The following GALK2 variants were observed in gnomAD, a reference collection of about 807,000 sequenced individuals.
GALK2 encodes the protein N-acetylgalactosamine kinase.
Under a neutral mutation model 52.4 loss-of-function variants are expected in GALK2, and 36 were observed. That is an observed-to-expected ratio of 0.69 (90% CI 0.53 to 0.91). The LOEUF is 0.91. Among genes scored for constraint, GALK2 ranks in the 40% least tolerant of loss-of-function variants. The probability of loss-of-function intolerance (pLI) is 0.00; values close to 1 mark genes in which losing one functional copy is unlikely to be tolerated. For missense variants in GALK2, 579 were observed against 559.1 expected, an observed-to-expected ratio of 1.04 and a Z score of -0.36; for synonymous variants, 176 against 199.1, an observed-to-expected ratio of 0.88 and a Z score of 0.98.
chr15:49,358,141 G>A (rs1223472304), intron 3 of GALK2, among the ~76,000 whole-genome samples: 1 of 150,782 alleles, frequency 6.6e-6, no homozygotes, highest in East Asian at 1.9e-4. Context: ...ATACTGAATG[G>A]GCAAAAACTG....
At chr15:49,360,344 C>T (rs1002086465) in intron 3 of GALK2, among the ~76,000 whole-genome samples, 1 of 151,864 alleles carries the variant, frequency 6.6e-6, no homozygotes, top group African/African-American at 2.4e-5. Context: ...TTTTTCTAAA[C>T]TGCAACAAAA....
At chr15:49,184,546 TCTTC>T (rs2086213004) in intron 1 of GALK2, among the ~76,000 whole-genome samples, 1 of 152,178 alleles carries the variant, frequency 6.6e-6, no homozygotes. Flanking sequence ...TGTAGTCTTC[TCTTC>T]CTTCCTTCCT....
At chr15:49,284,040 C>T (rs1203001642) in intron 7 of GALK2, among the ~76,000 whole-genome samples, 2 of 152,102 alleles carry the variant, frequency 1.3e-5, no homozygotes, top group African/African-American at 2.4e-5. Flanking sequence ...GTTTCCTCAA[C>T]AAAAGTGATG....
chr15:49,228,692 T>A lies in GALK2; in HGVS notation c.267-7159T>A, dbSNP rs1291981012. On this transcript the variant is annotated intron_variant, in intron 3 of 9. Transcript: ENST00000560031. ...ATATATATATATATATATATATTTT[T>A]TTTTTTTTTTTTTTTTTTTGCGATG... Among the ~76,000 whole-genome samples, 181 of 68,122 alleles carry A rather than the reference T, an allele frequency of 2.7e-3. 11 individuals carry two copies. The highest frequency in any genetic ancestry group is 0.011 in the African/African-American group (157 of 14,922). The allele number at this position is 68,122 out of a possible 152,430, so 44.7% of individuals were successfully genotyped here.
chr15:49,366,801 C>A, intron 3 of GALK2: 1 of 568,196 alleles, frequency 1.8e-6, no homozygotes, highest in Non-Finnish European at 3.0e-6. Context: ...CTGGGATCGC[C>A]GCTGCTGCAG....
chr15:49,211,040 A>G (rs1392753826), intron 2 of GALK2, among the ~76,000 whole-genome samples: 1 of 151,094 alleles, frequency 6.6e-6, no homozygotes, highest in African/African-American at 2.4e-5. Context: ...GCTGGGCTTC[A>G]ATTTTTCAAA....
In GALK2 at chr15:49,331,800, C is replaced by T. The variant is rs1447949529; in HGVS notation, c.*3641C>T. On this transcript the variant is annotated 3_prime_UTR_variant, in exon 10 of 10. Coordinates refer to ENST00000560031, the MANE Select transcript of GALK2 (RefSeq NM_002044.4). ...CCTACCAGTTTATGTAGGAACTTCT[C>T]AAAGTCCTGTTTCACTTCATGAGGT... is the stretch of plus-strand genomic sequence containing the variant. The T allele has an allele frequency of 1.9e-6, 3 of 1,609,806 alleles. No homozygotes were observed. The South Asian group carries it at 3.3e-5, about 18-fold the overall frequency.
At position 49,359,053 on chromosome 15, in the gene GALK2, C is replaced by G. The variant is rs1052866462; in HGVS notation, c.427-8438C>G. On this transcript the variant is annotated intron_variant, in intron 3 of 3. Coordinates refer to the GALK2 transcript ENST00000558399. The stretch of plus-strand genomic sequence containing the variant: ...TAGCCATATGTATAAAGCTGAAACT[C>G]GATCCCTTCCTTACACCTTATACAA... Among the ~76,000 whole-genome samples the G allele has an allele frequency of 5.0e-3, 766 of 151,734 alleles. 5 individuals carry two copies. Among genetic ancestry groups the G allele is most frequent in the African/African-American group, 0.017 (716 of 41,194 alleles).
intron 8 of GALK2, among the ~76,000 whole-genome samples, chr15:49,307,631 A>G (rs1323501715): frequency 6.6e-6 from 1 of 152,182 alleles, no homozygotes; most frequent in African/African-American, 2.4e-5. Flanking sequence ...TGTAAAATGC[A>G]GGTGAGGGTG....
chr15:49,263,000 G>A (rs375162799), intron 5 of GALK2, among the ~76,000 whole-genome samples: 7 of 145,014 alleles, frequency 4.8e-5, no homozygotes, highest in East Asian at 2.0e-4. Context: ...TATGTGGTCA[G>A]TTTTGGAATA....
intron 5 of GALK2, among the ~76,000 whole-genome samples, chr15:49,247,507 A>T (rs16962187): frequency 0.022 from 3,397 of 152,322 alleles, 103 homozygotes; most frequent in South Asian, 0.077. Flanking sequence ...ACTTAAATGC[A>T]TATAGTGGAA....
chr15:49,240,113 A>G (rs1034750727), intron 5 of GALK2, among the ~76,000 whole-genome samples: 8 of 152,322 alleles, frequency 5.3e-5, no homozygotes, highest in Admixed American at 3.3e-4. Flanking sequence ...TATGTATAGG[A>G]GGAAGGCAGA....
chr15:49,241,669 A>G (rs926844380), intron 5 of GALK2, among the ~76,000 whole-genome samples: 4 of 152,236 alleles, frequency 2.6e-5, no homozygotes, highest in African/African-American at 9.6e-5. Flanking sequence ...CTGGTGATGC[A>G]TAGAAAAAGA....
At chr15:49,222,744 G>A (rs896067016) in intron 3 of GALK2, among the ~76,000 whole-genome samples, 8 of 152,134 alleles carry the variant, frequency 5.3e-5, no homozygotes, top group African/African-American at 1.4e-4. Context: ...GATAAATCCC[G>A]CTTGATCATG....
downstream of GALK2, chr15:49,335,596 T>A: frequency 2.7e-6 from 2 of 749,474 alleles, no homozygotes; most frequent in Non-Finnish European, 4.6e-6. Flanking sequence ...TGACCTTCAC[T>A]TTTCAGTAAT....
At chr15:49,300,037 T>A (rs964472221) in intron 8 of GALK2, among the ~76,000 whole-genome samples, 3 of 151,940 alleles carry the variant, frequency 2.0e-5, no homozygotes, top group Non-Finnish European at 4.4e-5. Context: ...CAGTAGGGTG[T>A]TAATGTCTCC....
intron 8 of GALK2, among the ~76,000 whole-genome samples, chr15:49,303,264 C>T (rs1258639526): frequency 6.6e-6 from 1 of 152,188 alleles, no homozygotes; most frequent in Admixed American, 6.5e-5. Flanking sequence ...CCCTTCAAAA[C>T]TAAAAATGAA....
chr15:49,156,609 C>G (rs1362266120), intron 1 of GALK2: 107 of 517,826 alleles, frequency 2.1e-4, no homozygotes, highest in South Asian at 1.6e-3. Flanking sequence ...TTCAGATTGC[C>G]GAAAGGCCAT....
rs143076571 is a variant in GALK2, at chr15:49,218,503, G to A, written c.266+1190G>A. On this transcript the variant is annotated intron_variant, in intron 3 of 9. Transcript: ENST00000560031. ...TAGTATATTTGAGAAATGGTCCCAG[G>A]AGCAGTAGGAAAGAGCATGAAGAAT... Among the ~76,000 whole-genome samples the A allele has an allele frequency of 8.0e-3, 1,224 of 152,252 alleles. 11 individuals carry two copies. The highest frequency in any genetic ancestry group is 0.013 in the Non-Finnish European group (853 of 68,018).
Sources: gnomAD v4.1 joint callset for allele counts (sites outside exome capture counted in the v4.1 genomes callset) on GRCh38, gnomAD v4.1.1 for gene constraint, MANE v1.5 for transcripts, NCBI Gene and HGNC (gene_info 2026-07-23, HGNC 2026-07-21) for gene names.